Variants in IGSF5 observed in about 807,000 individuals in gnomAD.
The protein encoded by IGSF5 is immunoglobulin superfamily member 5, also known as immunoglobulin superfamily 5 like.
In IGSF5, 41 loss-of-function variants were observed where a neutral mutation model predicts 39.4. That is an observed-to-expected ratio of 1.04 (90% CI 0.81 to 1.35). The LOEUF is 1.35. Ranked by LOEUF, IGSF5 falls within the 40% of genes most tolerant of loss-of-function variation. IGSF5 has a pLI of 0.00. For synonymous variants in IGSF5, 183 were observed against 175.3 expected (o/e 1.04, Z -0.34); for missense variants, 487 against 494.6 (o/e 0.98, Z 0.15).
In IGSF5 at chr21:39,793,613, G is replaced by C. The variant is rs759674736; in HGVS notation, c.1128G>C (p.Gln376His). 6.2e-7 allele frequency: 1 copy of C among 1,612,838 alleles called. No homozygotes were observed. The highest frequency in any genetic ancestry group is 1.1e-5 in the South Asian group (1 of 90,974). Residue 376 changes from glutamine to histidine, a missense_variant and splice_region_variant, in exon 8 of 9, where the codon CAG (glutamine) becomes CAC (histidine). Gln to His is a conservative substitution (Grantham distance 24, BLOSUM62 0). Transcript: ENST00000380588. ...QRNSSCGPPHQRADQRPPRPA... is the reference protein window; with the variant it reads ...QRNSSCGPPHHRADQRPPRPA... ...ACAGTAGCTGTGGCCCTCCTCACCA[G>C]GTAGTTTAGACCATTTTCCCCCTTT...
intron 5 of IGSF5, 74 bp from the exon 6 acceptor site, chr21:39,788,093 A>T: frequency 8.4e-7 from 1 of 1,188,054 alleles, no homozygotes; most frequent in Non-Finnish European, 1.2e-6. Context: ...AAGGGAGTGT[A>T]TAAAAATTAA....
At chr21:39,776,736 G>A (rs371388119) in intron 4 of IGSF5, among the ~76,000 whole-genome samples, 20 of 152,276 alleles carry the variant, frequency 1.3e-4, no homozygotes, top group African/African-American at 4.1e-4. Context: ...TGGCACACTC[G>A]TATTTCTGTC....
chr21:39,791,958 G>T, intron 6 of IGSF5, 50 bp from the exon 7 acceptor site: 2 of 1,245,182 alleles, frequency 1.6e-6, no homozygotes, highest in Non-Finnish European at 1.2e-6. Context: ...TTAACATTTG[G>T]CAATGTTAAT....
At chr21:39,786,643 A>G (rs1400402668) in intron 5 of IGSF5, among the ~76,000 whole-genome samples, 1 of 151,436 alleles carries the variant, frequency 6.6e-6, no homozygotes. Flanking sequence ...ATGCTGCTAT[A>G]AAGACACATG....
intron 2 of IGSF5, among the ~76,000 whole-genome samples, chr21:39,750,890 G>A (rs1339773289): frequency 6.6e-6 from 1 of 152,234 alleles, no homozygotes; most frequent in Non-Finnish European, 1.5e-5. Context: ...TCAGCCTCCA[G>A]CTGGTGGAAG....
chr21:39,720,330 C>T, the IGSF5 span, among the ~76,000 whole-genome samples: 1 of 152,166 alleles, frequency 6.6e-6, no homozygotes, highest in Non-Finnish European at 1.5e-5. Flanking sequence ...ACAGATGAAG[C>T]TTTGCTTATT....
chr21:39,750,960 AG>A (rs2080002807), intron 2 of IGSF5, among the ~76,000 whole-genome samples: 1 of 152,176 alleles, frequency 6.6e-6, no homozygotes, highest in Non-Finnish European at 1.5e-5. Context: ...GAGGAGGGAG[AG>A]GGAGTGGAGG....
chr21:39,755,362 G>A lies in IGSF5; in HGVS notation c.100+9064G>A, dbSNP rs923027795. 6.6e-5 allele frequency among the ~76,000 whole-genome samples: 10 copies of A among 152,116 alleles called. No homozygotes were observed. In the South Asian group the frequency reaches 8.3e-4, roughly 13 times the overall value. On this transcript the variant is annotated intron_variant, in intron 2 of 8. Coordinates refer to ENST00000380588, the MANE Select transcript of IGSF5 (RefSeq NM_001080444.2). The stretch of plus-strand genomic sequence containing the variant: ...AGCACTTTGGGAGGCTGAGGCGGGC[G>A]GATCACAAGGTCAGGAGATCGAGAC...
intron 2 of IGSF5, among the ~76,000 whole-genome samples, chr21:39,755,586 C>CAAAA (rs11331220): frequency 8.2e-5 from 11 of 133,990 alleles, no homozygotes; most frequent in African/African-American, 2.7e-4. Flanking sequence ...GACTCCATCT[C>CAAAA]AAAAAAAAAA....
chr21:39,756,520 C>T (rs962257083), intron 2 of IGSF5, among the ~76,000 whole-genome samples: 6 of 152,190 alleles, frequency 3.9e-5, no homozygotes, highest in African/African-American at 1.4e-4. Flanking sequence ...CCTGATGGGA[C>T]CTGTCACCTC....
chr21:39,744,351 A>T (rs931648408), upstream of IGSF5, among the ~76,000 whole-genome samples: 7 of 152,220 alleles, frequency 4.6e-5, no homozygotes, highest in Non-Finnish European at 1.0e-4. Context: ...CGTTTCAGAG[A>T]GGGTGTAGCG....
chr21:39,783,184 TGG>T (rs750120160), intron 5 of IGSF5, among the ~76,000 whole-genome samples: 31 of 152,202 alleles, frequency 2.0e-4, no homozygotes, highest in Admixed American at 3.9e-4. Flanking sequence ...GCAATAAATG[TGG>T]GGGTGCAGAT....
intron 3 of IGSF5, among the ~76,000 whole-genome samples, chr21:39,769,796 T>A (rs2080105297): frequency 6.6e-6 from 1 of 152,178 alleles, no homozygotes; most frequent in Admixed American, 6.5e-5. Flanking sequence ...AAATTATTAT[T>A]TTAAAATATA....
upstream of IGSF5, among the ~76,000 whole-genome samples, chr21:39,742,988 G>A (rs902798020): frequency 6.6e-6 from 1 of 152,122 alleles, no homozygotes; most frequent in African/African-American, 2.4e-5. Context: ...GTGACAGGGA[G>A]GTATGCTTCC....
chr21:39,801,420 C>T lies in IGSF5; in HGVS notation c.*63C>T. 8.3e-7 allele frequency: 1 copy of T among 1,211,496 alleles called. No homozygotes were observed. Among genetic ancestry groups the T allele is most frequent in the Non-Finnish European group, 1.2e-6 (1 of 822,748 alleles). 75.0% of individuals were successfully genotyped at this position (1,211,496 alleles called of 1,614,324 possible). On this transcript the variant is annotated 3_prime_UTR_variant, in exon 9 of 9. Transcript: ENST00000380588. ...CAATTCAAAACACGGCGATGGCATC[C>T]TTCCTTTCCATCCTAAGACTGGCCT... is the stretch of plus-strand genomic sequence containing the variant.
chr21:39,742,853 G>T (rs375562368), upstream of IGSF5, among the ~76,000 whole-genome samples: 22 of 152,196 alleles, frequency 1.4e-4, 1 homozygote, highest in African/African-American at 5.3e-4. Context: ...AGGTTGCCAA[G>T]TTCAATAGGG....
chr21:39,752,025 T>TA (rs566170724), intron 2 of IGSF5, among the ~76,000 whole-genome samples: 1 of 152,192 alleles, frequency 6.6e-6, no homozygotes, highest in Non-Finnish European at 1.5e-5. Context: ...TCTTTACTTT[T>TA]AAAAAATTTC....
Position 39,801,512 on chromosome 21 carries a change from A to G in IGSF5, c.*155A>G, listed in dbSNP as rs1278882336. 2.7e-5 allele frequency: 13 copies of G among 488,496 alleles called. No homozygotes were observed. Among genetic ancestry groups the G allele is most frequent in the Admixed American group, 6.8e-5 (2 of 29,202 alleles). 30.3% of individuals were successfully genotyped at this position (488,496 alleles called of 1,614,324 possible). Reference sequence around the variant, plus strand: ...ATCAGAACTGATACTTGACAGTGAGAGAAGGAATCGATTTTCCCAGAGTTC... The same window carrying G: ...ATCAGAACTGATACTTGACAGTGAGGGAAGGAATCGATTTTCCCAGAGTTC... On this transcript the variant is annotated 3_prime_UTR_variant, in exon 9 of 9. Coordinates refer to ENST00000380588, the MANE Select transcript of IGSF5 (RefSeq NM_001080444.2).
intron 2 of IGSF5, among the ~76,000 whole-genome samples, chr21:39,762,179 C>A (rs2080064735): frequency 6.6e-6 from 1 of 152,074 alleles, no homozygotes; most frequent in Non-Finnish European, 1.5e-5. Context: ...TGACTGTGGA[C>A]AAAAAGAGTC....
Sources: gnomAD v4.1 joint callset for allele counts (sites outside exome capture counted in the v4.1 genomes callset) on GRCh38, gnomAD v4.1.1 for gene constraint, MANE v1.5 for transcripts, NCBI Gene and HGNC (gene_info 2026-07-23, HGNC 2026-07-21) for gene names.